Variants in PDE1C observed in about 807,000 individuals in gnomAD.
PDE1C encodes the protein dual specificity calcium/calmodulin-dependent 3',5'-cyclic nucleotide phosphodiesterase 1C.
PDE1C carries 62 observed loss-of-function variants against 93.1 expected under a neutral mutation model. The observed-to-expected ratio is 0.67, with a 90% CI of 0.54 to 0.82. The LOEUF is 0.82. PDE1C is among the 40% of genes least tolerant of loss of function. The pLI is 0.00. For synonymous variants in PDE1C, 325 were observed against 310.1 expected (o/e 1.05, Z -0.50); for missense variants, 742 against 884.6 (o/e 0.84, Z 2.04).
At chr7:31,650,285 C>A in the PDE1C span, among the ~76,000 whole-genome samples, 1 of 152,202 alleles carries the variant, frequency 6.6e-6, no homozygotes, top group South Asian at 2.1e-4. Context: ...CTTTAGATTT[C>A]TCAGTCAGGC....
intron 1 of PDE1C, among the ~76,000 whole-genome samples, chr7:32,332,911 G>A (rs1783542830): frequency 6.6e-6 from 1 of 152,146 alleles, no homozygotes; most frequent in Non-Finnish European, 1.5e-5. Context: ...AGCAGAAGGA[G>A]GTTTCTCGGA....
chr7:31,989,017 A>AAAAAG (rs1554451758), intron 2 of PDE1C, among the ~76,000 whole-genome samples: 13 of 147,458 alleles, frequency 8.8e-5, no homozygotes, highest in African/African-American at 1.5e-4. Context: ...AAAAAAAAAA[A>AAAAAG]AGAGAGAGAG....
intron 2 of PDE1C, among the ~76,000 whole-genome samples, chr7:32,030,335 TA>T (rs1432289926): frequency 6.6e-6 from 1 of 152,100 alleles, no homozygotes. Context: ...CAAAATTTAA[TA>T]TATTGAAACC....
At chr7:31,875,100 C>T (rs1796381110) in intron 5 of PDE1C, among the ~76,000 whole-genome samples, 3 of 152,282 alleles carry the variant, frequency 2.0e-5, no homozygotes, top group African/African-American at 7.2e-5. Flanking sequence ...AGACCTAAAG[C>T]TTTACCTTGG....
chr7:31,792,871 T>C (rs371859039), intron 16 of PDE1C, among the ~76,000 whole-genome samples: 12 of 152,082 alleles, frequency 7.9e-5, no homozygotes, highest in Non-Finnish European at 5.9e-5. Context: ...TTCCACTTTT[T>C]AAAGAGTGAC....
intron 2 of PDE1C, among the ~76,000 whole-genome samples, chr7:31,981,433 T>C (rs1396012373): frequency 6.6e-6 from 1 of 152,192 alleles, no homozygotes; most frequent in African/African-American, 2.4e-5. Flanking sequence ...ATATTTTAAT[T>C]ATTAAAATGT....
intron 5 of PDE1C, among the ~76,000 whole-genome samples, chr7:31,877,056 C>G (rs542495038): frequency 1.3e-5 from 2 of 152,102 alleles, no homozygotes; most frequent in African/African-American, 2.4e-5. Context: ...TCACCTTTTT[C>G]AGGTTTTGGA....
chr7:32,067,934 C>T (rs1350976206), intron 1 of PDE1C, among the ~76,000 whole-genome samples: 1 of 152,144 alleles, frequency 6.6e-6, no homozygotes, highest in East Asian at 1.9e-4. Context: ...CCTCATGGAA[C>T]TTACATTCTA....
chr7:32,232,619 G>A (rs772796480), intron 1 of PDE1C, among the ~76,000 whole-genome samples: 4 of 152,232 alleles, frequency 2.6e-5, no homozygotes, highest in Non-Finnish European at 2.9e-5. Context: ...GAGGGACATG[G>A]TGGAAAGGGA....
chr7:31,703,833 A>C, the PDE1C span, among the ~76,000 whole-genome samples: 1 of 152,184 alleles, frequency 6.6e-6, no homozygotes, highest in Non-Finnish European at 1.5e-5. Context: ...CCCCTTAGTT[A>C]ATGAGCTTAC....
chr7:32,116,872 T>C (rs1462141749), intron 3 of PDE1C, among the ~76,000 whole-genome samples: 1 of 152,206 alleles, frequency 6.6e-6, no homozygotes, highest in African/African-American at 2.4e-5. Context: ...AGAGCTTTAG[T>C]CACATCTCTG....
the PDE1C span, among the ~76,000 whole-genome samples, chr7:31,684,161 A>G: frequency 6.6e-6 from 1 of 152,236 alleles, no homozygotes; most frequent in African/African-American, 2.4e-5. Context: ...ATTAAAGAGT[A>G]TGTACGAAGC....
intron 1 of PDE1C, among the ~76,000 whole-genome samples, chr7:32,069,441 A>G (rs1202356940): frequency 6.6e-6 from 1 of 152,162 alleles, no homozygotes; most frequent in Non-Finnish European, 1.5e-5. Context: ...TGAAAGTAGT[A>G]TCTAGTAGTA....
chr7:32,305,342 AGCCAAT>A (rs1045503362), intron 1 of PDE1C, among the ~76,000 whole-genome samples: 2 of 152,180 alleles, frequency 1.3e-5, no homozygotes, highest in African/African-American at 4.8e-5. Flanking sequence ...CTACCTCTGC[AGCCAAT>A]GCCTTTTCTG....
intron 2 of PDE1C, among the ~76,000 whole-genome samples, chr7:32,035,561 G>T (rs922213687): frequency 3.9e-5 from 6 of 152,146 alleles, no homozygotes; most frequent in Non-Finnish European, 2.9e-5. Context: ...AGAGAATAAA[G>T]AAATTATATT....
intron 1 of PDE1C, among the ~76,000 whole-genome samples, chr7:32,394,227 A>G (rs1417738923): frequency 6.6e-6 from 1 of 152,246 alleles, no homozygotes; most frequent in Non-Finnish European, 1.5e-5. Flanking sequence ...ATACAGGATT[A>G]TCTGGAAAGA....
the PDE1C span, chr7:31,652,743 C>T: frequency 4.4e-4 from 704 of 1,613,816 alleles, no homozygotes; most frequent in Non-Finnish European, 4.5e-4. Flanking sequence ...CAGGATGTCT[C>T]CTTCATCATC....
intron 2 of PDE1C, among the ~76,000 whole-genome samples, chr7:31,913,279 A>G (rs1339178415): frequency 2.6e-5 from 4 of 152,220 alleles, no homozygotes; most frequent in Non-Finnish European, 5.9e-5. Flanking sequence ...TGCCAAGCAC[A>G]TGAATTTTCA....
At chr7:32,025,095 C>T (rs1434257096) in intron 2 of PDE1C, among the ~76,000 whole-genome samples, 4 of 152,040 alleles carry the variant, frequency 2.6e-5, no homozygotes, top group African/African-American at 9.7e-5. Flanking sequence ...CCCTTCATGC[C>T]GACCCCCAGG....
Sources: allele counts gnomAD v4.1 joint callset (sites outside exome capture counted in the v4.1 genomes callset), GRCh38; gene constraint gnomAD v4.1.1; transcripts MANE v1.5; gene names NCBI Gene and HGNC (gene_info 2026-07-23, HGNC 2026-07-21).